The following SHQ1 variants were observed in gnomAD, a reference collection of about 807,000 sequenced individuals.
SHQ1 encodes SHQ1, H/ACA ribonucleoprotein assembly factor.
SHQ1 carries 49 observed loss-of-function variants against 53.8 expected under a neutral mutation model. That is an observed-to-expected ratio of 0.91 (90% CI 0.72 to 1.16). The LOEUF (loss-of-function observed/expected upper bound fraction) is 1.16, where lower values mean the gene tolerates loss of function less well. SHQ1 is among the 50% of genes most tolerant of loss of function. SHQ1 has a pLI of 0.00. For missense variants in SHQ1, 738 were observed against 683.1 expected (o/e 1.08, Z -0.90); for synonymous variants, 243 against 251.0 (o/e 0.97, Z 0.30).
intron 4 of SHQ1, among the ~76,000 whole-genome samples, chr3:72,839,120 A>T (rs1423430745): frequency 6.6e-6 from 1 of 152,220 alleles, no homozygotes; most frequent in Non-Finnish European, 1.5e-5. Context: ...ACAATTAAGT[A>T]ACAAATCCCT....
chr3:72,827,193 A>G (rs929620333), intron 5 of SHQ1, among the ~76,000 whole-genome samples: 1 of 151,728 alleles, frequency 6.6e-6, no homozygotes, highest in African/African-American at 2.4e-5. Context: ...GCTAACAGAC[A>G]TGAGTGAGAA....
At chr3:72,796,822 A>C (rs941245575) in intron 9 of SHQ1, among the ~76,000 whole-genome samples, 4 of 152,104 alleles carry the variant, frequency 2.6e-5, no homozygotes, top group African/African-American at 9.7e-5. Flanking sequence ...TCTGTCTCAA[A>C]AACAAAAGAA....
intron 9 of SHQ1, chr3:72,795,240 A>G (rs533643396): frequency 2.0e-5 from 3 of 152,360 alleles, no homozygotes; most frequent in South Asian, 2.1e-4. Flanking sequence ...CTGACTGTGA[A>G]GAGAAACTAA....
At chr3:72,765,557 A>ATATATATATTTT (rs1491527508) in intron 10 of SHQ1, among the ~76,000 whole-genome samples, 1 of 57,192 alleles carries the variant, frequency 1.7e-5, no homozygotes, top group African/African-American at 7.9e-5. Flanking sequence ...ATATATATAT[A>ATATATATATTTT]TTTTTTTTTT....
intron 1 of SHQ1, 65 bp downstream of exon 1, chr3:72,848,133 A>G (rs1316640524): frequency 6.3e-7 from 1 of 1,596,150 alleles, no homozygotes; most frequent in Non-Finnish European, 8.6e-7. Flanking sequence ...TCGACCTTGC[A>G]TTCTCCCTCT....
Position 72,750,398 on chromosome 3 carries a change from CTCT to C in SHQ1, c.1617_1619del (p.Ile539_Glu540delinsMet). The C allele has an allele frequency of 6.2e-7, 1 of 1,614,136 alleles. No homozygotes were observed. On this transcript the variant is annotated inframe_deletion, in exon 11 of 11. Transcript: ENST00000325599. ...TAGTCTTCAGTTGTTCCCCAAGCTC[CTCT>C]ATCAGAGGCCCAGACACTCCAAGAG...
chr3:72,744,104 A>G, the SHQ1 span, among the ~76,000 whole-genome samples: 1 of 152,176 alleles, frequency 6.6e-6, no homozygotes, highest in Admixed American at 6.5e-5. Context: ...CTGGATTGCA[A>G]TGGGACTATT....
intron 6 of SHQ1, among the ~76,000 whole-genome samples, chr3:72,820,280 G>A (rs149451640): frequency 2.0e-5 from 3 of 152,282 alleles, no homozygotes; most frequent in African/African-American, 7.2e-5. Flanking sequence ...TTCAATAACT[G>A]TGCACAGAAG....
the SHQ1 span, among the ~76,000 whole-genome samples, chr3:72,729,911 G>C: frequency 7.7e-4 from 117 of 152,200 alleles, no homozygotes; most frequent in Non-Finnish European, 1.5e-3. Context: ...TCTGCCCCCC[G>C]GGGTTCACGC....
chr3:72,822,528 T>G (rs1707508694), intron 6 of SHQ1, among the ~76,000 whole-genome samples: 1 of 152,148 alleles, frequency 6.6e-6, no homozygotes, highest in Non-Finnish European at 1.5e-5. Flanking sequence ...GGGAACGCCT[T>G]CTCTTGATTT....
chr3:72,833,451 T>C (rs1200782479), intron 4 of SHQ1, among the ~76,000 whole-genome samples: 2 of 45,936 alleles, frequency 4.4e-5, no homozygotes, highest in African/African-American at 1.4e-4. Context: ...AGATGATAGA[T>C]AGATAGATAG....
chr3:72,778,261 C>T (rs960998382), intron 10 of SHQ1, among the ~76,000 whole-genome samples: 3 of 151,952 alleles, frequency 2.0e-5, no homozygotes, highest in African/African-American at 4.8e-5. Flanking sequence ...AGTTGTTCAA[C>T]CAGCCTGGGG....
chr3:72,847,901 G>A (rs781051302), intron 1 of SHQ1, among the ~76,000 whole-genome samples: 4 of 152,128 alleles, frequency 2.6e-5, no homozygotes, highest in African/African-American at 7.2e-5. Context: ...AGAACGGGAC[G>A]AGAACTAGGG....
At chr3:72,847,904 A>G (rs989567358) in intron 1 of SHQ1, among the ~76,000 whole-genome samples, 4 of 152,108 alleles carry the variant, frequency 2.6e-5, no homozygotes, top group African/African-American at 9.7e-5. Context: ...ACGGGACGAG[A>G]ACTAGGGCGA....
chr3:72,803,124 T>C (rs562504815), intron 9 of SHQ1, among the ~76,000 whole-genome samples: 2 of 152,302 alleles, frequency 1.3e-5, no homozygotes, highest in Admixed American at 1.3e-4. Context: ...GAGCAGAGAC[T>C]GAAAACTGGG....
intron 9 of SHQ1, among the ~76,000 whole-genome samples, chr3:72,805,544 G>T (rs982875666): frequency 6.6e-6 from 1 of 151,868 alleles, no homozygotes; most frequent in Non-Finnish European, 1.5e-5. Context: ...AATTATAGAA[G>T]TTTTTTTTAA....
At chr3:72,753,727 C>T in intron 10 of SHQ1, 4 of 687,648 alleles carry the variant, frequency 5.8e-6, no homozygotes, top group Non-Finnish European at 7.2e-6. Context: ...TTCACCAAAG[C>T]ATTATAACCC....
chr3:72,843,747 C>G (rs1307267962), intron 2 of SHQ1, among the ~76,000 whole-genome samples: 2 of 151,480 alleles, frequency 1.3e-5, no homozygotes, highest in Non-Finnish European at 2.9e-5. Context: ...TTTAACCCAC[C>G]CCCCCATACC....
At chr3:72,784,738 T>C (rs17010142) in intron 10 of SHQ1, among the ~76,000 whole-genome samples, 8,446 of 152,248 alleles carry the variant, frequency 0.055, 702 homozygotes, top group African/African-American at 0.18. Context: ...CCCATACCAA[T>C]GTAAAACCAC....
Sources: allele counts gnomAD v4.1 joint callset (sites outside exome capture counted in the v4.1 genomes callset), GRCh38; gene constraint gnomAD v4.1.1; transcripts MANE v1.5; gene names NCBI Gene and HGNC (gene_info 2026-07-23, HGNC 2026-07-21).